VPS13D: variants seen among roughly 807,000 people sequenced by gnomAD.
The protein encoded by VPS13D is intermembrane lipid transfer protein VPS13D.
In VPS13D, 187 loss-of-function variants were observed where a neutral mutation model predicts 461.9. The ratio of observed to expected loss-of-function variants is 0.40; its 90% CI spans 0.36 to 0.46. The LOEUF is 0.46. VPS13D is among the 20% of genes least tolerant of loss of function. The pLI, the probability that VPS13D is intolerant of heterozygous loss-of-function variation, is 0.60. For synonymous variants in VPS13D, 1,951 were observed against 1,986.3 expected, an observed-to-expected ratio of 0.98 and a Z score of 0.47; for missense variants, 4,711 against 5,364.9, an observed-to-expected ratio of 0.88 and a Z score of 3.81.
chr1:12,456,557 G>A (rs1017791582), intron 66 of VPS13D, among the ~76,000 whole-genome samples: 157 of 144,904 alleles, frequency 1.1e-3, no homozygotes, highest in African/African-American at 3.9e-3. Flanking sequence ...AGAATTGCTC[G>A]AACCCTGGAG....
intron 34 of VPS13D, 106 bp downstream of exon 34, chr1:12,322,852 A>C: frequency 1.0e-6 from 1 of 959,400 alleles, no homozygotes; most frequent in South Asian, 1.7e-5. Context: ...GTTTAATTGT[A>C]TGTCATTAAG....
chr1:12,357,861 G>A (rs1398025654), intron 49 of VPS13D, among the ~76,000 whole-genome samples: 2 of 152,080 alleles, frequency 1.3e-5, no homozygotes, highest in South Asian at 2.1e-4. Flanking sequence ...AAAATTAGCC[G>A]GGTGTGGTGG....
At chr1:12,268,591 A>T (rs113951117) in intron 15 of VPS13D, 115 bp from the exon 16 acceptor site, 2 of 1,198,496 alleles carry the variant, frequency 1.7e-6, no homozygotes, top group Non-Finnish European at 2.4e-6. Flanking sequence ...ATAAATGTGA[A>T]CTAATTGAAA....
At chr1:12,414,521 C>T in intron 63 of VPS13D, among the ~76,000 whole-genome samples, 1 of 152,138 alleles carries the variant, frequency 6.6e-6, no homozygotes, top group East Asian at 1.9e-4. Flanking sequence ...CAACGAAGTG[C>T]ATACTGATGA....
intron 2 of VPS13D, among the ~76,000 whole-genome samples, chr1:12,241,270 C>T (rs1640347026): frequency 6.6e-6 from 1 of 152,154 alleles, no homozygotes. Context: ...GCCAGTAACC[C>T]ACAAGTCCTG....
At chr1:12,315,253 A>G (rs1202184202) in intron 30 of VPS13D, among the ~76,000 whole-genome samples, 1 of 152,250 alleles carries the variant, frequency 6.6e-6, no homozygotes, top group African/African-American at 2.4e-5. Context: ...TTTAAGCAAA[A>G]AACAGAACAA....
rs185519818 is a variant in VPS13D, at chr1:12,351,963, T to A, written c.9432-2011T>A. Among the ~76,000 whole-genome samples the A allele has an allele frequency of 6.1e-3, 929 of 152,042 alleles. 3 individuals are homozygous for A. The highest frequency in any genetic ancestry group is 0.027 in the Middle Eastern group (8 of 294). ...AGAAATTTAAGATTAGCTTAATATT[T>A]GAAAATCAGTAAATGTAACTCATCA... On this transcript the variant is annotated intron_variant, in intron 46 of 69. Coordinates refer to ENST00000620676, the MANE Select transcript of VPS13D (RefSeq NM_015378.4).
intron 66 of VPS13D, among the ~76,000 whole-genome samples, 177 bp downstream of exon 66, chr1:12,456,307 GCCTGGCCAACACA>G (rs1645326807): frequency 6.6e-6 from 1 of 152,040 alleles, no homozygotes; most frequent in Non-Finnish European, 1.5e-5. Flanking sequence ...TTTGAGACCA[GCCTGGCCAACACA>G]GTGAAACCCC....
intron 65 of VPS13D, among the ~76,000 whole-genome samples, chr1:12,426,002 A>AC (rs1644920788): frequency 6.6e-6 from 1 of 152,190 alleles, no homozygotes; most frequent in Non-Finnish European, 1.5e-5. Flanking sequence ...CCCAACTTTA[A>AC]CACCTCTGTG....
In VPS13D at chr1:12,322,694, C is replaced by T. The variant is rs35102018; in HGVS notation, c.7863C>T (p.Arg2621=). The change falls in exon 34 of 70, where the codon CGC becomes CGT. Residue 2621 remains arginine (R), a synonymous_variant. Coordinates refer to ENST00000620676, the MANE Select transcript of VPS13D (RefSeq NM_015378.4). ...SVGTYLPGAS[R]VGEEIREGTR... ...GCACTTACCTTCCAGGTGCATCTCG[C>T]GTTGGAGAGGAAATCAGAGAAGGGA... The T allele has an allele frequency of 0.018, 29,164 of 1,614,104 alleles. 1,207 individuals are homozygous for T. Among genetic ancestry groups the T allele is most frequent in the Admixed American group, 0.16 (9,520 of 60,012 alleles).
chr1:12,503,539 T>A (rs938182570), intron 68 of VPS13D, among the ~76,000 whole-genome samples: 4 of 152,310 alleles, frequency 2.6e-5, no homozygotes, highest in African/African-American at 4.8e-5. Context: ...TCCTATTTTT[T>A]AAATAGAATC....
intron 60 of VPS13D, among the ~76,000 whole-genome samples, chr1:12,397,099 A>G (rs1644510244): frequency 6.6e-6 from 1 of 152,074 alleles, no homozygotes; most frequent in Non-Finnish European, 1.5e-5. Context: ...ACGCCCAGCA[A>G]TTTTCGTAGT....
chr1:12,455,989 T>C lies in VPS13D; in HGVS notation c.12334-9T>C. On this transcript the variant is annotated splice_polypyrimidine_tract_variant and intron_variant, in intron 65 of 69. Coordinates refer to ENST00000620676, the MANE Select transcript of VPS13D (RefSeq NM_015378.4). ...TTAAAACTCTTCTCCTGCTTTTAAC[T>C]CCTTCTAGTTTGCTGGAACATTATC... is the stretch of plus-strand genomic sequence containing the variant. 5.0e-6 allele frequency: 8 copies of C among 1,596,174 alleles called. No homozygotes were observed. Among genetic ancestry groups the C allele is most frequent in the Non-Finnish European group, 6.8e-6 (8 of 1,173,886 alleles).
chr1:12,362,053 G>T (rs1643958946), intron 50 of VPS13D, among the ~76,000 whole-genome samples: 1 of 151,966 alleles, frequency 6.6e-6, no homozygotes, highest in Admixed American at 6.6e-5. Flanking sequence ...AGTAGAGATG[G>T]GGTTTCGCCA....
intron 23 of VPS13D, among the ~76,000 whole-genome samples, chr1:12,292,777 A>C (rs1426868346): frequency 6.6e-6 from 1 of 152,034 alleles, no homozygotes; most frequent in Non-Finnish European, 1.5e-5. Flanking sequence ...TGTTCAACCA[A>C]GGTTGAGAAA....
chr1:12,404,030 T>C, intron 63 of VPS13D, 57 bp downstream of exon 63: 1 of 1,512,812 alleles, frequency 6.6e-7, no homozygotes, highest in Admixed American at 2.1e-5. Flanking sequence ...AAAGAATGAG[T>C]GTGTTTACTA....
At chr1:12,301,598 AC>A (rs1238877376) in intron 25 of VPS13D, among the ~76,000 whole-genome samples, 1 of 152,130 alleles carries the variant, frequency 6.6e-6, no homozygotes, top group African/African-American at 2.4e-5. Context: ...ATCTCTCTGG[AC>A]CCCATTGTTT....
chr1:12,395,922 G>A (rs1201693689), intron 60 of VPS13D, among the ~76,000 whole-genome samples: 6 of 145,780 alleles, frequency 4.1e-5, no homozygotes, highest in Admixed American at 1.4e-4. Flanking sequence ...TTAATATTCT[G>A]TTCCTCTAGA....
chr1:12,364,419 C>T (rs2101618392), intron 52 of VPS13D, among the ~76,000 whole-genome samples: 1 of 152,292 alleles, frequency 6.6e-6, no homozygotes, highest in South Asian at 2.1e-4. Context: ...TTGCTTCCAC[C>T]TTTGGCTATC....
Sources: allele counts gnomAD v4.1 joint callset (sites outside exome capture counted in the v4.1 genomes callset), GRCh38; gene constraint gnomAD v4.1.1; transcripts MANE v1.5; gene names NCBI Gene and HGNC (gene_info 2026-07-23, HGNC 2026-07-21).